The following PTPRD variants were observed in gnomAD, a reference collection of about 807,000 sequenced individuals.
The protein encoded by PTPRD is protein tyrosine phosphatase receptor type D.
A neutral mutation model predicts 214.5 loss-of-function variants in PTPRD; 34 were observed. That is an observed-to-expected ratio of 0.16 (90% CI 0.12 to 0.21). PTPRD has a LOEUF of 0.21. Ranked by LOEUF, PTPRD falls within the 10% of genes least tolerant of loss-of-function variation. The pLI, the probability that PTPRD is intolerant of heterozygous loss-of-function variation, is 1.00. For synonymous variants in PTPRD, 1,128 were observed against 845.7 expected, an observed-to-expected ratio of 1.33 and a Z score of -5.79; for missense variants, 2,545 against 2,398.7, an observed-to-expected ratio of 1.06 and a Z score of -1.27.
At chr9:9,329,025 T>G (rs1377344174) in intron 9 of PTPRD, among the ~76,000 whole-genome samples, 1 of 152,104 alleles carries the variant, frequency 6.6e-6, no homozygotes, top group African/African-American at 2.4e-5. Flanking sequence ...TTTTTTTCTT[T>G]CTTTATCTTT....
At chr9:9,303,037 T>G (rs916429381) in intron 9 of PTPRD, among the ~76,000 whole-genome samples, 2 of 151,960 alleles carry the variant, frequency 1.3e-5, no homozygotes, top group Non-Finnish European at 2.9e-5. Flanking sequence ...ATTGGCTTCA[T>G]AAGAGAAGAC....
At chr9:8,433,189 G>A (rs1314433384) in intron 35 of PTPRD, among the ~76,000 whole-genome samples, 1 of 152,172 alleles carries the variant, frequency 6.6e-6, no homozygotes, top group East Asian at 1.9e-4. Context: ...ATCACCTAGG[G>A]ATGTGGTAGC....
intron 2 of PTPRD, among the ~76,000 whole-genome samples, chr9:10,393,667 G>C (rs1441276315): frequency 7.0e-6 from 1 of 143,448 alleles, no homozygotes; most frequent in Non-Finnish European, 1.5e-5. Context: ...GAGAGAGAGA[G>C]ACACTCTATT....
chr9:9,970,211 G>T (rs901375517), intron 4 of PTPRD, among the ~76,000 whole-genome samples: 2 of 152,002 alleles, frequency 1.3e-5, no homozygotes, highest in Non-Finnish European at 2.9e-5. Flanking sequence ...TTTACTTTGG[G>T]AGGCCGAGGT....
chr9:10,060,229 T>A (rs2097733345), intron 3 of PTPRD, among the ~76,000 whole-genome samples: 1 of 152,054 alleles, frequency 6.6e-6, no homozygotes, highest in African/African-American at 2.4e-5. Flanking sequence ...CATATATGCG[T>A]TATAACGTTA....
intron 35 of PTPRD, among the ~76,000 whole-genome samples, chr9:8,416,264 A>C (rs1057064596): frequency 6.6e-6 from 1 of 152,192 alleles, no homozygotes; most frequent in African/African-American, 2.4e-5. Context: ...ACTTTTGTTA[A>C]AATATATACA....
intron 8 of PTPRD, among the ~76,000 whole-genome samples, chr9:9,537,980 T>A (rs1039280706): frequency 2.6e-5 from 4 of 151,878 alleles, no homozygotes; most frequent in African/African-American, 9.7e-5. Flanking sequence ...ACTATGCATA[T>A]TTTTACAATC....
intron 3 of PTPRD, among the ~76,000 whole-genome samples, chr9:10,160,966 G>A (rs1432893199): frequency 6.6e-6 from 1 of 151,694 alleles, no homozygotes; most frequent in Middle Eastern, 3.2e-3. Flanking sequence ...AATCCCATTT[G>A]CAGTAGCTAC....
chr9:8,703,992 A>T (rs1188924652), intron 12 of PTPRD, among the ~76,000 whole-genome samples: 1 of 152,170 alleles, frequency 6.6e-6, no homozygotes, highest in Non-Finnish European at 1.5e-5. Context: ...CATCCTTGAC[A>T]TTTCCTTATA....
At chr9:8,331,881 G>C in intron 43 of PTPRD, 145 bp from the exon 44 acceptor site, 1 of 951,452 alleles carries the variant, frequency 1.1e-6, no homozygotes, top group South Asian at 2.0e-5. Flanking sequence ...TAGAAACTTA[G>C]TTATGGTTTA....
At chr9:10,314,236 A>G (rs1202672739) in intron 3 of PTPRD, among the ~76,000 whole-genome samples, 2 of 151,894 alleles carry the variant, frequency 1.3e-5, no homozygotes, top group African/African-American at 4.8e-5. Flanking sequence ...TGAAGAACAG[A>G]TTGAAAATTA....
chr9:9,991,275 T>G (rs2095907785), intron 4 of PTPRD, among the ~76,000 whole-genome samples: 1 of 151,994 alleles, frequency 6.6e-6, no homozygotes, highest in South Asian at 2.1e-4. Context: ...GAAAAATTTC[T>G]TATACAGAAC....
chr9:9,036,163 G>A (rs1030312548), intron 10 of PTPRD, among the ~76,000 whole-genome samples: 5 of 150,690 alleles, frequency 3.3e-5, no homozygotes, highest in Admixed American at 6.6e-5. Flanking sequence ...ATTCTTATTG[G>A]CCTCTGGATA....
chr9:10,593,971 A>G lies in PTPRD; in HGVS notation c.-600+18427T>C, dbSNP rs142124483. ...TTTCTGCTTTGTCTTAAAAACATTT[A>G]TTCAGCACATAGCAACATTAAGTTA... On this transcript the variant is annotated intron_variant, in intron 2 of 45. Transcript: ENST00000381196. Among the ~76,000 whole-genome samples, 342 of 152,094 alleles carry G rather than the reference A, an allele frequency of 2.2e-3. 2 individuals carry two copies. The highest frequency in any genetic ancestry group is 3.8e-3 in the Admixed American group (58 of 15,256).
In PTPRD at chr9:8,471,512, A is replaced by G. The variant is rs943616816; in HGVS notation, c.3414-427T>C. 1.2e-3 allele frequency among the ~76,000 whole-genome samples: 187 copies of G among 152,282 alleles called. 1 individual carries two copies. The highest frequency in any genetic ancestry group is 3.8e-3 in the African/African-American group (160 of 41,566). On this transcript the variant is annotated intron_variant, in intron 30 of 45. Coordinates refer to ENST00000381196, the MANE Select transcript of PTPRD (RefSeq NM_002839.4). ...GAAAAATTTCACTCTTAGCCCACAT[A>G]AATACCTAGTAGTGCTGTTGTTTAT...
intron 11 of PTPRD, among the ~76,000 whole-genome samples, chr9:8,873,076 T>A (rs535185917): frequency 6.6e-6 from 1 of 152,342 alleles, no homozygotes; most frequent in East Asian, 1.9e-4. Flanking sequence ...TGCAGCGATA[T>A]GCCCTGAGAC....
At chr9:8,803,385 G>C (rs187185865) in intron 11 of PTPRD, among the ~76,000 whole-genome samples, 2 of 152,224 alleles carry the variant, frequency 1.3e-5, no homozygotes, top group African/African-American at 4.8e-5. Context: ...AATTAGTTTT[G>C]CCGATGAGAA....
At chr9:9,565,762 T>C (rs545286430) in intron 8 of PTPRD, among the ~76,000 whole-genome samples, 1 of 152,054 alleles carries the variant, frequency 6.6e-6, no homozygotes, top group Non-Finnish European at 1.5e-5. Context: ...CAAATGTCCT[T>C]GTAAAAAAGG....
chr9:8,956,441 C>G (rs2099132125), intron 11 of PTPRD, among the ~76,000 whole-genome samples: 2 of 151,718 alleles, frequency 1.3e-5, no homozygotes, highest in Non-Finnish European at 2.9e-5. Context: ...ATCTATTTTT[C>G]TTTTTCTTTC....
Sources: allele counts gnomAD v4.1 joint callset (sites outside exome capture counted in the v4.1 genomes callset), GRCh38; gene constraint gnomAD v4.1.1; transcripts MANE v1.5; gene names NCBI Gene and HGNC (gene_info 2026-07-23, HGNC 2026-07-21).